Variants in TTC6 observed in about 807,000 individuals in gnomAD.
TTC6 encodes tetratricopeptide repeat domain 6, also known as tetratricopeptide repeat protein 6.
In TTC6, 172 loss-of-function variants were observed where a neutral mutation model predicts 210.4. That is an observed-to-expected ratio of 0.82 (90% confidence interval 0.72 to 0.93). TTC6 has a LOEUF of 0.93. Ranked by LOEUF, TTC6 falls within the 40% of genes least tolerant of loss-of-function variation. The probability of loss-of-function intolerance (pLI) is 0.00; values close to 1 mark genes in which losing one functional copy is unlikely to be tolerated. For missense variants in TTC6, 2,414 were observed against 2,318.1 expected, an observed-to-expected ratio of 1.04 and a Z score of -0.85; for synonymous variants, 804 against 819.6, an observed-to-expected ratio of 0.98 and a Z score of 0.32.
At chr14:37,638,086 G>A (rs1306645267) in intron 1 of TTC6, among the ~76,000 whole-genome samples, 2 of 152,064 alleles carry the variant, frequency 1.3e-5, no homozygotes, top group Non-Finnish European at 2.9e-5. Flanking sequence ...CAACCCAGAT[G>A]TCCTTCAAGG....
chr14:37,707,066 G>GT lies in TTC6; in HGVS notation c.1571+5546dup, dbSNP rs545789167. 3.3e-5 allele frequency among the ~76,000 whole-genome samples: 5 copies of GT among 151,860 alleles called. No individual in the cohort carries two copies. In the East Asian group the frequency reaches 7.7e-4, roughly 23 times the overall value. On this transcript the variant is annotated intron_variant, in intron 5 of 30. Transcript: ENST00000553443. ...TTTGTCTGTCAGCATTTGCCTATGT[G>GT]TTTTTTGTTTGTATCATTATCTGAT...
At chr14:37,793,371 A>G (rs992232809) in intron 17 of TTC6, among the ~76,000 whole-genome samples, 2 of 152,200 alleles carry the variant, frequency 1.3e-5, no homozygotes, top group African/African-American at 4.8e-5. Context: ...CAAAAAACCC[A>G]AAAACCAAAC....
intron 1 of TTC6, among the ~76,000 whole-genome samples, chr14:37,623,804 G>A (rs968780218): frequency 1.3e-5 from 2 of 152,166 alleles, no homozygotes; most frequent in Admixed American, 1.3e-4. Flanking sequence ...GTCCCTGGCA[G>A]GAAGCTAAGC....
At chr14:37,614,815 T>G (rs544139600) in intron 2 of TTC6, among the ~76,000 whole-genome samples, 4 of 152,326 alleles carry the variant, frequency 2.6e-5, no homozygotes, top group Admixed American at 2.6e-4. Flanking sequence ...GTCACAATCT[T>G]GGCTCATTGC....
At chr14:37,748,511 G>A (rs899172077) in intron 10 of TTC6, among the ~76,000 whole-genome samples, 1 of 152,188 alleles carries the variant, frequency 6.6e-6, no homozygotes, top group Non-Finnish European at 1.5e-5. Context: ...GGGATGTTCA[G>A]TTGATAGTCT....
chr14:37,827,443 T>A, intron 29 of TTC6, 77 bp downstream of exon 31: 2 of 1,365,914 alleles, frequency 1.5e-6, no homozygotes, highest in Non-Finnish European at 2.0e-6. Flanking sequence ...AAAGTATAAT[T>A]CATACAATCT....
At chr14:37,772,042 G>C (rs1566943942) in intron 14 of TTC6, among the ~76,000 whole-genome samples, 1 of 152,172 alleles carries the variant, frequency 6.6e-6, no homozygotes, top group South Asian at 2.1e-4. Flanking sequence ...CTCAGCTGCA[G>C]GTCTGTTGGA....
At position 37,763,096 on chromosome 14, in the gene TTC6, G is replaced by A. The variant is rs371481763; in HGVS notation, c.3266+9861G>A. ...GTAGAGACGGGGTTTCACCATGTAA[G>A]CCAGGATGGTCTCAATCTCCCGACT... On this transcript the variant is annotated intron_variant, in intron 14 of 30. Transcript: ENST00000553443. Among the ~76,000 whole-genome samples the A allele has an allele frequency of 1.5e-4, 23 of 151,594 alleles. No homozygotes were observed. In the East Asian group the frequency reaches 1.8e-3, roughly 12 times the overall value.
rs771242956 is a variant in TTC6 at position 37,598,209 on chromosome 14, C to T, written c.-235+2201C>T. Among the ~76,000 whole-genome samples the T allele has an allele frequency of 5.3e-5, 8 of 152,182 alleles. No homozygotes were observed. The highest frequency in any genetic ancestry group is 1.0e-4 in the Non-Finnish European group (7 of 68,040). ...GTGCTGCTCGTTGGAGGAAACCAGG[C>T]CTGTCTTCAGCTGTGGGGAGGATGG... is the stretch of plus-strand genomic sequence containing the variant. On this transcript the variant is annotated intron_variant, in intron 1 of 2. Transcript: ENST00000556845. The surrounding 1 kb of genome is among the most constrained non-coding windows in gnomAD (Gnocchi z 4.9).
At chr14:37,650,096 A>G (rs177862) in intron 1 of TTC6, among the ~76,000 whole-genome samples, 48,153 of 152,102 alleles carry the variant, frequency 0.32, 7,757 homozygotes, top group Non-Finnish European at 0.34. Flanking sequence ...TGCTATACTC[A>G]TTCCCCTTTG....
At chr14:37,678,731 A>G (rs2095775977) in intron 1 of TTC6, among the ~76,000 whole-genome samples, 1 of 152,176 alleles carries the variant, frequency 6.6e-6, no homozygotes, top group South Asian at 2.1e-4. Context: ...GTCAAATCCT[A>G]AAAGAGTTGC....
At chr14:37,770,396 C>A (rs909403278) in intron 14 of TTC6, among the ~76,000 whole-genome samples, 1,619 of 151,940 alleles carry the variant, frequency 0.011, 26 homozygotes, top group African/African-American at 0.036. Flanking sequence ...TAATGTTGAC[C>A]GTGGGGTGTT....
chr14:37,739,288 A>C (rs2095910935), intron 10 of TTC6, 133 bp downstream of exon 12: 4 of 970,102 alleles, frequency 4.1e-6, no homozygotes, highest in Non-Finnish European at 5.6e-6. Context: ...TTGAAAGACA[A>C]ACCTCTGGCT....
chr14:37,789,272 T>G (rs2096074119), intron 15 of TTC6, among the ~76,000 whole-genome samples: 1 of 152,112 alleles, frequency 6.6e-6, no homozygotes, highest in Non-Finnish European at 1.5e-5. Context: ...TCATTCACAT[T>G]TTACTGATGA....
At chr14:37,795,636 T>A (rs1319857269) in intron 18 of TTC6, among the ~76,000 whole-genome samples, 1 of 152,188 alleles carries the variant, frequency 6.6e-6, no homozygotes, top group Non-Finnish European at 1.5e-5. Context: ...GGTTATCACA[T>A]ATCTCATAAG....
intron 26 of TTC6, among the ~76,000 whole-genome samples, chr14:37,820,902 C>T (rs1313791407): frequency 6.6e-6 from 1 of 151,404 alleles, no homozygotes; most frequent in South Asian, 2.1e-4. Flanking sequence ...TCCTTCTCCT[C>T]CTTCTCCTCC....
At chr14:37,727,466 T>C (rs550603235) in intron 7 of TTC6, among the ~76,000 whole-genome samples, 1 of 151,924 alleles carries the variant, frequency 6.6e-6, no homozygotes, top group Non-Finnish European at 1.5e-5. Context: ...GCTAATTTTT[T>C]GTATTTTTAG....
At chr14:37,624,568 GA>G (rs368938853) in intron 1 of TTC6, among the ~76,000 whole-genome samples, 1 of 152,268 alleles carries the variant, frequency 6.6e-6, no homozygotes, top group African/African-American at 2.4e-5. Flanking sequence ...ACTATTAAAT[GA>G]ATAATGAACA....
chr14:37,619,259 A>C (rs766347430), upstream of TTC6, among the ~76,000 whole-genome samples: 25 of 152,328 alleles, frequency 1.6e-4, no homozygotes, highest in Non-Finnish European at 3.1e-4. Flanking sequence ...GTAAAGAAAG[A>C]AAGCCTATTG....
Sources: allele counts gnomAD v4.1 joint callset (sites outside exome capture counted in the v4.1 genomes callset), GRCh38; gene constraint gnomAD v4.1.1; non-coding constraint Gnocchi (gnomAD v3.1); transcripts MANE v1.5; gene names NCBI Gene and HGNC (gene_info 2026-07-23, HGNC 2026-07-21).